Variants in PLCE1 observed in about 807,000 individuals in gnomAD.
PLCE1 encodes the protein phospholipase C epsilon 1.
PLCE1 carries 119 observed loss-of-function variants against 242.8 expected under a neutral mutation model. That is an observed-to-expected ratio of 0.49 (90% CI 0.42 to 0.57). PLCE1 has a LOEUF of 0.57. Ranked by LOEUF, PLCE1 falls within the 20% of genes least tolerant of loss-of-function variation. The pLI, the probability that PLCE1 is intolerant of heterozygous loss-of-function variation, is 0.00. For synonymous variants in PLCE1, 945 were observed against 1,017.4 expected, an observed-to-expected ratio of 0.93 and a Z score of 1.35; for missense variants, 2,441 against 2,788.8, an observed-to-expected ratio of 0.88 and a Z score of 2.81.
chr10:94,159,671 G>T (rs546822261), intron 3 of PLCE1, among the ~76,000 whole-genome samples: 1 of 152,192 alleles, frequency 6.6e-6, no homozygotes, highest in South Asian at 2.1e-4. Context: ...ACAACATGCA[G>T]GTTTGTTACA....
intron 21 of PLCE1, among the ~76,000 whole-genome samples, chr10:94,284,361 A>T (rs1183630306): frequency 2.0e-5 from 3 of 152,196 alleles, no homozygotes; most frequent in African/African-American, 7.2e-5. Context: ...AAGAAGTTTT[A>T]AAGGCATTTG....
At chr10:94,027,680 G>A (rs1170035020) in intron 1 of PLCE1, among the ~76,000 whole-genome samples, 2 of 152,114 alleles carry the variant, frequency 1.3e-5, no homozygotes, top group East Asian at 1.9e-4. Flanking sequence ...AATTAACTGG[G>A]CGTGGTGGCA....
At chr10:94,210,337 G>T (rs956205601) in intron 4 of PLCE1, among the ~76,000 whole-genome samples, 1 of 152,046 alleles carries the variant, frequency 6.6e-6, no homozygotes, top group African/African-American at 2.4e-5. Flanking sequence ...AAGCAAGGCT[G>T]GTATTTGGCC....
Position 94,259,016 on chromosome 10 carries a change from T to C in PLCE1, c.3680T>C (p.Val1227Ala). The C allele has an allele frequency of 6.2e-7, 1 of 1,614,136 alleles. No individual in the cohort carries two copies. The highest frequency in any genetic ancestry group is 8.5e-7 in the Non-Finnish European group (1 of 1,180,004). Residue 1227 changes from valine (V) to alanine (A), a missense_variant and splice_region_variant, in exon 13 of 33, where the codon GTC (valine) becomes GCC (alanine). This residue lies in a region of PLCE1 where 1,004 missense variants were observed against 1,322.7 expected (regional missense o/e 0.76). Coordinates refer to ENST00000371380, the MANE Select transcript of PLCE1 (RefSeq NM_016341.4). ...EFVELFKSFS[V>A]RSRKDLKDLF... Reference sequence around the variant, plus strand: ...GGTGTTTTCCATTCCTCATTCAGTGTCAGGAGCCGCAAGGACCTGAAGGAT... The same window carrying C: ...GGTGTTTTCCATTCCTCATTCAGTGCCAGGAGCCGCAAGGACCTGAAGGAT...
intron 20 of PLCE1, chr10:94,283,565 G>A (rs2052327475): frequency 2.4e-6 from 1 of 422,254 alleles, no homozygotes; most frequent in Admixed American, 3.6e-5. Context: ...ATGTATATAA[G>A]TGACAAAAAC....
rs558981824 is a variant in PLCE1 at position 94,164,471 on chromosome 10, C to T, written c.1493-6709C>T. Among the ~76,000 whole-genome samples, 61 of 152,298 alleles carry T rather than the reference C, an allele frequency of 4.0e-4. 1 individual carries two copies. The highest frequency in any genetic ancestry group is 7.4e-4 in the Non-Finnish European group (50 of 68,022). On this transcript the variant is annotated intron_variant, in intron 3 of 32. Transcript: ENST00000371380. ...GCTACTGAGGCTTGTGCATTCATCA[C>T]GTAGTTCTCGTGCCATAGTTTTCAG...
At chr10:94,128,644 C>A (rs2046505629) in intron 2 of PLCE1, among the ~76,000 whole-genome samples, 2 of 152,124 alleles carry the variant, frequency 1.3e-5, no homozygotes, top group Admixed American at 1.3e-4. Flanking sequence ...ATTTGCAATA[C>A]CTTTTGATAT....
intron 2 of PLCE1, among the ~76,000 whole-genome samples, chr10:94,118,253 C>CAGCT (rs2046195158): frequency 6.6e-6 from 1 of 151,918 alleles, no homozygotes; most frequent in South Asian, 2.1e-4. Flanking sequence ...CTTTGACATG[C>CAGCT]AGCTCAGGGT....
chr10:94,186,946 C>G (rs1391656302), intron 4 of PLCE1, among the ~76,000 whole-genome samples: 2 of 152,178 alleles, frequency 1.3e-5, no homozygotes, highest in African/African-American at 2.4e-5. Flanking sequence ...CTTTACAACC[C>G]TAATCTCATT....
Position 94,075,408 on chromosome 10 carries a change from CA to C in PLCE1, c.1206+43157del, listed in dbSNP as rs150413735. On this transcript the variant is annotated intron_variant, in intron 2 of 32. Transcript: ENST00000371380. ...AATTTTGTTTGAACATGTTAATGTC[CA>C]TGTTGGTTTACTTGAGAACACATAA... is the stretch of plus-strand genomic sequence containing the variant. Among the ~76,000 whole-genome samples, 44 of 152,270 alleles carry C rather than the reference CA, an allele frequency of 2.9e-4. No individual in the cohort carries two copies. The East Asian group carries it at 8.5e-3, about 29-fold the overall frequency.
At position 94,014,544 on chromosome 10, in the gene PLCE1, G is replaced by A. The variant is rs555188504; in HGVS notation, c.-364-16139G>A. 7.0e-4 allele frequency among the ~76,000 whole-genome samples: 107 copies of A among 152,090 alleles called. 1 individual carries two copies. In the South Asian group the frequency reaches 7.7e-3, roughly 11 times the overall value. On this transcript the variant is annotated intron_variant, in intron 1 of 32. Coordinates refer to ENST00000371380, the MANE Select transcript of PLCE1 (RefSeq NM_016341.4). Reference sequence around the variant, plus strand: ...AAAAAATAAAGTGTACAGTTCCGTGGCATTAAGTACATTTACATTGTTTTG... The same window carrying A: ...AAAAAATAAAGTGTACAGTTCCGTGACATTAAGTACATTTACATTGTTTTG...
rs772363295 is a variant in PLCE1, at chr10:94,254,263, G to A, written c.3353G>A (p.Arg1118Gln). ...KAKMHKECRS[R>Q]SGSDPQDINE... ...AAGATGCACAAAGAGTGTCGAAGCC[G>A]GAGTGGTTCTGATCCTCAAGACATT... Residue 1118 changes from arginine to glutamine, a missense_variant, in exon 10 of 33, where the codon CGG becomes CAG. Around this residue, in one of 5 missense-constraint regions of PLCE1, gnomAD observed 1,004 missense variants for 1,322.7 expected, o/e 0.76. Coordinates refer to ENST00000371380, the MANE Select transcript of PLCE1 (RefSeq NM_016341.4). The A allele has an allele frequency of 4.6e-5, 75 of 1,613,794 alleles. No homozygotes were observed. The highest frequency in any genetic ancestry group is 5.6e-5 in the Non-Finnish European group (66 of 1,179,848).
At chr10:94,281,706 A>G (rs2052232242) in intron 20 of PLCE1, among the ~76,000 whole-genome samples, 1 of 152,128 alleles carries the variant, frequency 6.6e-6, no homozygotes, top group South Asian at 2.1e-4. Context: ...TCCAGCACTA[A>G]GATCTGTAAT....
chr10:94,161,186 T>C (rs1269280345), intron 3 of PLCE1, among the ~76,000 whole-genome samples: 3 of 152,216 alleles, frequency 2.0e-5, no homozygotes, highest in Non-Finnish European at 4.4e-5. Context: ...TTTTTTCCAA[T>C]TCTGTGAAGA....
At chr10:94,272,625 T>C (rs2051789219) in intron 18 of PLCE1, among the ~76,000 whole-genome samples, 1 of 152,168 alleles carries the variant, frequency 6.6e-6, no homozygotes, top group African/African-American at 2.4e-5. Context: ...TTGGGAACGA[T>C]AAACGTCCGT....
chr10:94,246,524 G>A lies in PLCE1; in HGVS notation c.2999G>A (p.Ser1000Asn), dbSNP rs61751498. Residue 1000 changes from serine to asparagine, a missense_variant, in exon 8 of 33, where the codon AGC (serine) becomes AAC (asparagine). By Grantham distance (46) the Ser-to-Asn change is conservative. Coordinates refer to ENST00000371380, the MANE Select transcript of PLCE1 (RefSeq NM_016341.4). Reference sequence around the variant, plus strand: ...AAGCACACAGCTAAAATGCTCTTCAGCGGATTATTGGAACTCACTAGAGCT... The same window carrying A: ...AAGCACACAGCTAAAATGCTCTTCAACGGATTATTGGAACTCACTAGAGCT... Reference protein sequence around the residue: ...APKHTAKMLFSGLLELTRAVR... With the variant: ...APKHTAKMLFNGLLELTRAVR... 2.8e-3 allele frequency: 4,528 copies of A among 1,614,142 alleles called. 15 individuals carry two copies. The highest frequency in any genetic ancestry group is 3.8e-3 in the Middle Eastern group (23 of 6,062).
rs1294978179 is a variant in PLCE1, at chr10:94,304,587, A to G, written c.5564A>G (p.Lys1855Arg). The G allele has an allele frequency of 6.2e-7, 1 of 1,614,096 alleles. No homozygotes were observed. The highest frequency in any genetic ancestry group is 1.7e-5 in the Admixed American group (1 of 60,026). The change falls in exon 25 of 33, where the codon AAG becomes AGG. Residue 1855 changes from lysine (K) to arginine (R), a missense_variant. Physicochemically the swap from Lys to Arg is conservative, Grantham distance 26. Coordinates refer to ENST00000371380, the MANE Select transcript of PLCE1 (RefSeq NM_016341.4). ...LWDKNCPMYQ[K>R]FSPLERDLDS... is the part of the protein sequence containing the mutation. ...GACAAGAACTGCCCCATGTATCAGA[A>G]GTTTTCTCCACTAGAAAGAGATCTG...
At position 94,329,719 on chromosome 10, in the gene PLCE1, A is replaced by G. The variant is rs1179265312; in HGVS notation, c.*1776A>G. 7.4e-6 allele frequency: 1 copy of G among 135,144 alleles called. No individual in the cohort carries two copies. The highest frequency in any genetic ancestry group is 1.5e-5 in the Non-Finnish European group (1 of 64,874). The allele number at this position is 135,144 out of a possible 1,614,324, so 8.4% of individuals were successfully genotyped here. The stretch of plus-strand genomic sequence containing the variant: ...CTTGAACCTGGGAGGTGGAGGCTGC[A>G]GTGAGCCAAGATCGCACCACCACGC... On this transcript the variant is annotated 3_prime_UTR_variant, in exon 33 of 33. Coordinates refer to ENST00000371380, the MANE Select transcript of PLCE1 (RefSeq NM_016341.4).
intron 3 of PLCE1, among the ~76,000 whole-genome samples, chr10:94,139,799 C>T (rs775311061): frequency 5.3e-5 from 8 of 152,088 alleles, no homozygotes; most frequent in Non-Finnish European, 8.8e-5. Flanking sequence ...GGAAAGGTGT[C>T]CTTATTAGCA....
Sources: allele counts gnomAD v4.1 joint callset (sites outside exome capture counted in the v4.1 genomes callset), GRCh38; gene constraint gnomAD v4.1.1; regional missense constraint gnomAD v4.1.1; transcripts MANE v1.5; gene names NCBI Gene and HGNC (gene_info 2026-07-23, HGNC 2026-07-21).